SLC15A5: variants seen among roughly 807,000 people sequenced by gnomAD.
The protein encoded by SLC15A5 is solute carrier family 15 member 5, also known as Peptide/histidine transporter ENSP00000340402.
SLC15A5 carries 58 observed loss-of-function variants against 56.1 expected under a neutral mutation model. The observed-to-expected ratio is 1.03, with a 90% CI of 0.84 to 1.29. The LOEUF (loss-of-function observed/expected upper bound fraction) is 1.29. Ranked by LOEUF, SLC15A5 falls within the 50% of genes most tolerant of loss-of-function variation. SLC15A5 has a pLI of 0.00. For synonymous variants in SLC15A5, 264 were observed against 250.5 expected, an observed-to-expected ratio of 1.05 and a Z score of -0.51; for missense variants, 681 against 672.1, an observed-to-expected ratio of 1.01 and a Z score of -0.15.
intron 5 of SLC15A5, among the ~76,000 whole-genome samples, chr12:16,236,456 TG>T (rs1356072953): frequency 1.3e-5 from 2 of 152,198 alleles, no homozygotes; most frequent in Non-Finnish European, 2.9e-5. Context: ...TTTTAATAGT[TG>T]GAGACCCTGA....
intron 5 of SLC15A5, among the ~76,000 whole-genome samples, chr12:16,239,368 T>C (rs956192886): frequency 6.6e-6 from 1 of 152,242 alleles, no homozygotes; most frequent in Non-Finnish European, 1.5e-5. Context: ...AAGAACCTAT[T>C]TGACATAGAC....
chr12:16,257,311 A>C (rs1864586515), intron 3 of SLC15A5, among the ~76,000 whole-genome samples: 1 of 152,154 alleles, frequency 6.6e-6, no homozygotes, highest in African/African-American at 2.4e-5. Flanking sequence ...GAAGAAGAAA[A>C]AGTGAGTGAA....
At chr12:16,204,670 G>C (rs1170070527) in intron 7 of SLC15A5, among the ~76,000 whole-genome samples, 2 of 151,960 alleles carry the variant, frequency 1.3e-5, no homozygotes, top group African/African-American at 2.4e-5. Flanking sequence ...ACTGTCCCAA[G>C]ATCACCTACA....
intron 7 of SLC15A5, among the ~76,000 whole-genome samples, chr12:16,206,668 G>C (rs374060541): frequency 1.3e-5 from 2 of 152,194 alleles, no homozygotes; most frequent in East Asian, 1.9e-4. Flanking sequence ...GATGAGCTGA[G>C]ATTGGGCCTC....
chr12:16,198,200 A>G (rs1863914799), intron 7 of SLC15A5, among the ~76,000 whole-genome samples: 1 of 152,164 alleles, frequency 6.6e-6, no homozygotes, highest in Non-Finnish European at 1.5e-5. Flanking sequence ...TCCTCCAAAT[A>G]TCTCTTGCTT....
intron 6 of SLC15A5, among the ~76,000 whole-genome samples, chr12:16,220,744 C>G (rs1320614062): frequency 6.6e-6 from 1 of 152,118 alleles, no homozygotes; most frequent in Admixed American, 6.6e-5. Flanking sequence ...CTGATTAGAG[C>G]CTTCTATCTT....
Position 16,189,391 on chromosome 12 carries a change from T to G in SLC15A5, c.*277A>C. 1 of 207,680 alleles carries G rather than the reference T, an allele frequency of 4.8e-6. No individual in the cohort carries two copies. 12.9% of individuals were successfully genotyped at this position (207,680 alleles called of 1,614,324 possible). On this transcript the variant is annotated 3_prime_UTR_variant, in exon 9 of 9. Coordinates refer to ENST00000344941, the MANE Select transcript of SLC15A5 (RefSeq NM_001170798.1). ...AACCATTGTAGAAAGCTGTAAGGTATTATTGGTGTATAGAAAACTGTCATT... is the reference window on the plus strand; with the variant it reads ...AACCATTGTAGAAAGCTGTAAGGTAGTATTGGTGTATAGAAAACTGTCATT...
intron 5 of SLC15A5, among the ~76,000 whole-genome samples, chr12:16,229,961 T>G (rs1055465622): frequency 1.3e-5 from 2 of 152,118 alleles, no homozygotes; most frequent in Non-Finnish European, 2.9e-5. Flanking sequence ...CAGGAAGCTC[T>G]TTTATAAGAT....
chr12:16,257,838 A>G lies in SLC15A5; in HGVS notation c.617T>C (p.Ile206Thr), dbSNP rs1410865103. The stretch of plus-strand genomic sequence containing the variant: ...GATGTAAGATATTCCCAGAAACACA[A>G]TAGTTGCATTTAGGTTCATGAGCCA... ...FYWLMNLNAT[I>T]VFLGISYIQH... Residue 206 changes from isoleucine to threonine, a missense_variant, in exon 3 of 9, where the codon ATT becomes ACT. Physicochemically the swap from Ile to Thr is moderately conservative, Grantham distance 89. Coordinates refer to ENST00000344941, the MANE Select transcript of SLC15A5 (RefSeq NM_001170798.1). 5 of 1,509,356 alleles carry G rather than the reference A, an allele frequency of 3.3e-6. No individual in the cohort carries two copies. In the Admixed American group the frequency reaches 6.8e-5, roughly 21 times the overall value. 93.5% of individuals were successfully genotyped at this position (1,509,356 alleles called of 1,614,324 possible). A position where few individuals can be genotyped will look rare whatever the true frequency, so the allele number is the denominator to read the frequency against.
intron 7 of SLC15A5, among the ~76,000 whole-genome samples, chr12:16,202,733 T>A (rs1863969831): frequency 6.6e-6 from 1 of 152,162 alleles, no homozygotes; most frequent in Non-Finnish European, 1.5e-5. Context: ...ATCAATTGAT[T>A]AATACATTTT....
rs866071555 is a variant in SLC15A5, at chr12:16,235,550, G to C, written c.1162+4131C>G. On this transcript the variant is annotated intron_variant, in intron 5 of 8. Transcript: ENST00000344941. The surrounding 1 kb of genome is among the most constrained non-coding windows in gnomAD (Gnocchi z 4.1). ...ACCTCTGATTTAATTCCAACTTGAT[G>C]TTACATTTAAGAATTGAGAATACTA... is the stretch of plus-strand genomic sequence containing the variant. 6.6e-6 allele frequency among the ~76,000 whole-genome samples: 1 copy of C among 151,942 alleles called. No individual in the cohort carries two copies. Among genetic ancestry groups the C allele is most frequent in the Non-Finnish European group, 1.5e-5 (1 of 67,934 alleles).
At chr12:16,225,367 G>T (rs193235021) in intron 5 of SLC15A5, among the ~76,000 whole-genome samples, 4 of 152,216 alleles carry the variant, frequency 2.6e-5, no homozygotes, top group East Asian at 1.9e-4. Flanking sequence ...GTTCCTATAG[G>T]CAATACCATT....
chr12:16,240,692 A>G (rs1294162601), intron 4 of SLC15A5, among the ~76,000 whole-genome samples: 1 of 152,196 alleles, frequency 6.6e-6, no homozygotes, highest in Non-Finnish European at 1.5e-5. Flanking sequence ...GTGTATTCCA[A>G]TCCTCTTGGC....
intron 5 of SLC15A5, among the ~76,000 whole-genome samples, chr12:16,226,179 T>G (rs1248903468): frequency 6.6e-6 from 1 of 152,222 alleles, no homozygotes; most frequent in East Asian, 1.9e-4. Flanking sequence ...TCCTCTATTC[T>G]TTAAATCATT....
chr12:16,248,901 G>A (rs578119997), intron 3 of SLC15A5, among the ~76,000 whole-genome samples: 34 of 152,158 alleles, frequency 2.2e-4, no homozygotes, highest in African/African-American at 8.2e-4. Flanking sequence ...CACACCAGGC[G>A]TGCACATTTT....
At chr12:16,189,891 G>C in intron 8 of SLC15A5, 76 bp from the exon 9 acceptor site, 2 of 1,130,972 alleles carry the variant, frequency 1.8e-6, no homozygotes. Flanking sequence ...TCCCTCCTGC[G>C]CTTGTCTACC....
rs867464073 is a variant in SLC15A5, at chr12:16,196,650, C to T, written c.1484-2197G>A. 2.0e-5 allele frequency among the ~76,000 whole-genome samples: 3 copies of T among 152,010 alleles called. No individual in the cohort carries two copies. The highest frequency in any genetic ancestry group is 7.2e-5 in the African/African-American group (3 of 41,398). ...TCATGCGATTATACCTTTTTATCACCATGTTTCTCTGACTAGTGTAAGAGG... is the reference window on the plus strand; with the variant it reads ...TCATGCGATTATACCTTTTTATCACTATGTTTCTCTGACTAGTGTAAGAGG... On this transcript the variant is annotated intron_variant, in intron 7 of 8. Transcript: ENST00000344941. This position sits in a 1 kb window ranked among gnomAD's most constrained non-coding sequence, Gnocchi z 4.0.
rs1354171105 is a variant in SLC15A5, at chr12:16,224,600, C to G, written c.1165G>C (p.Ala389Pro). Residue 389 changes from alanine (A) to proline (P), a missense_variant and splice_region_variant, in exon 6 of 9, where the codon GCT becomes CCT. Coordinates refer to ENST00000344941, the MANE Select transcript of SLC15A5 (RefSeq NM_001170798.1). ...VGSFLSTCII[A>P]GNLFAALSVM... The stretch of plus-strand genomic sequence containing the variant: ...GACAATGCAGCAAAAAGATTTCCAG[C>G]AACTGAAGGAAAATAATGCAAAAGA... The G allele has an allele frequency of 6.6e-7, 1 of 1,526,174 alleles. No homozygotes were observed. The highest frequency in any genetic ancestry group is 1.2e-5 in the South Asian group (1 of 82,522). 94.5% of individuals were successfully genotyped at this position (1,526,174 alleles called of 1,614,324 possible). A position where few individuals can be genotyped will look rare whatever the true frequency, so the allele number is the denominator to read the frequency against.
intron 4 of SLC15A5, among the ~76,000 whole-genome samples, chr12:16,241,553 A>G (rs1591652710): frequency 1.3e-5 from 2 of 152,238 alleles, no homozygotes; most frequent in Non-Finnish European, 2.9e-5. Context: ...TTTGACCCTT[A>G]GCATAGTAAA....
Sources: gnomAD v4.1 joint callset for allele counts (sites outside exome capture counted in the v4.1 genomes callset) on GRCh38, gnomAD v4.1.1 for gene constraint, Gnocchi (gnomAD v3.1) non-coding constraint, MANE v1.5 for transcripts, NCBI Gene and HGNC (gene_info 2026-07-23, HGNC 2026-07-21) for gene names.